CCDC85A: variants seen among roughly 807,000 people sequenced by gnomAD.
CCDC85A encodes coiled-coil domain containing 85A.
CCDC85A carries 38 observed loss-of-function variants against 50.2 expected under a neutral mutation model. That is an observed-to-expected ratio of 0.76 (90% CI 0.58 to 0.99). The LOEUF is 0.99. Ranked by LOEUF, CCDC85A falls within the 50% of genes least tolerant of loss-of-function variation. The pLI is 0.00. For synonymous variants in CCDC85A, 366 were observed against 301.4 expected (o/e 1.21, Z -2.22); for missense variants, 820 against 742.0 (o/e 1.11, Z -1.22).
Position 56,349,149 on chromosome 2 carries a change from A to G in CCDC85A, c.1317+6194A>G, listed in dbSNP as rs1674776037. ...CCTAATTATGTTGCACAACCTGTGT[A>G]GAATCTGGATGTTACTGATTGGAAA... On this transcript the variant is annotated intron_variant, in intron 3 of 5. Transcript: ENST00000407595. 2.0e-5 allele frequency among the ~76,000 whole-genome samples: 3 copies of G among 152,204 alleles called. No individual in the cohort carries two copies. In the South Asian group the frequency reaches 6.2e-4, roughly 31 times the overall value.
chr2:56,187,162 TA>T (rs1676083147), intron 1 of CCDC85A, among the ~76,000 whole-genome samples: 1 of 152,188 alleles, frequency 6.6e-6, no homozygotes, highest in Non-Finnish European at 1.5e-5. Flanking sequence ...TACATATATT[TA>T]TTTTGGCTTA....
intron 5 of CCDC85A, among the ~76,000 whole-genome samples, chr2:56,381,439 A>G (rs1676580871): frequency 6.6e-6 from 1 of 152,126 alleles, no homozygotes; most frequent in South Asian, 2.1e-4. Context: ...TCCAAAGAAT[A>G]GTATGTGGAC....
intron 2 of CCDC85A, among the ~76,000 whole-genome samples, chr2:56,231,453 G>A (rs1375634743): frequency 6.6e-6 from 1 of 152,146 alleles, no homozygotes; most frequent in Non-Finnish European, 1.5e-5. Flanking sequence ...CCAGGTAATT[G>A]CGTTTGGTGG....
chr2:56,354,966 A>G (rs1049298254), intron 3 of CCDC85A, among the ~76,000 whole-genome samples: 5 of 152,206 alleles, frequency 3.3e-5, no homozygotes, highest in Admixed American at 6.5e-5. Flanking sequence ...AATTGGGATC[A>G]CAGAAATGAT....
chr2:56,324,787 A>G (rs1309177273), intron 2 of CCDC85A, among the ~76,000 whole-genome samples: 4 of 152,008 alleles, frequency 2.6e-5, no homozygotes, highest in African/African-American at 4.8e-5. Context: ...TAGTATTTTT[A>G]TGTCCAAGAG....
chr2:56,211,753 C>G (rs1677187612), intron 2 of CCDC85A, among the ~76,000 whole-genome samples: 1 of 151,862 alleles, frequency 6.6e-6, no homozygotes, highest in South Asian at 2.1e-4. Context: ...TCTATGTGTC[C>G]CCTATCCCCT....
At chr2:56,349,027 G>A (rs1674768389) in intron 3 of CCDC85A, among the ~76,000 whole-genome samples, 1 of 151,142 alleles carries the variant, frequency 6.6e-6, no homozygotes, top group African/African-American at 2.5e-5. Context: ...GCAAGTGATG[G>A]TATTCCTCAA....
At chr2:56,225,861 C>T (rs1018023518) in intron 2 of CCDC85A, among the ~76,000 whole-genome samples, 1 of 152,166 alleles carries the variant, frequency 6.6e-6, no homozygotes, top group African/African-American at 2.4e-5. Context: ...CGTAAATCTC[C>T]TGCTTTTTGT....
intron 2 of CCDC85A, among the ~76,000 whole-genome samples, chr2:56,329,021 C>T (rs1673623555): frequency 1.3e-5 from 2 of 152,180 alleles, no homozygotes; most frequent in South Asian, 4.1e-4. Context: ...AGTACACAAT[C>T]CAAGCTTCTT....
chr2:56,311,985 C>T (rs1672714633), intron 2 of CCDC85A, among the ~76,000 whole-genome samples: 1 of 152,132 alleles, frequency 6.6e-6, no homozygotes, highest in South Asian at 2.1e-4. Context: ...TCCTTGGAAG[C>T]TCAGATAAAC....
intron 2 of CCDC85A, among the ~76,000 whole-genome samples, chr2:56,319,857 A>C (rs1335285189): frequency 6.6e-6 from 1 of 152,132 alleles, no homozygotes; most frequent in Non-Finnish European, 1.5e-5. Flanking sequence ...ACCACATCAC[A>C]CTTATTCCAA....
chr2:56,280,748 C>G (rs1408247459), intron 2 of CCDC85A, among the ~76,000 whole-genome samples: 4 of 152,114 alleles, frequency 2.6e-5, no homozygotes, highest in Non-Finnish European at 5.9e-5. Context: ...GCACATACAT[C>G]TAACAGAAAA....
At chr2:56,223,029 G>A (rs1668394087) in intron 2 of CCDC85A, among the ~76,000 whole-genome samples, 1 of 152,174 alleles carries the variant, frequency 6.6e-6, no homozygotes, top group East Asian at 1.9e-4. Flanking sequence ...TAAGTGCCAA[G>A]GTTTTCTATT....
intron 2 of CCDC85A, among the ~76,000 whole-genome samples, chr2:56,241,640 G>C (rs899938525): frequency 6.6e-6 from 1 of 152,088 alleles, no homozygotes; most frequent in African/African-American, 2.4e-5. Flanking sequence ...AATTCCATCT[G>C]TGTTCTTGCA....
intron 3 of CCDC85A, among the ~76,000 whole-genome samples, chr2:56,357,258 GA>G (rs1485506646): frequency 6.6e-6 from 1 of 152,076 alleles, no homozygotes; most frequent in East Asian, 1.9e-4. Flanking sequence ...AGAAGGTGGG[GA>G]CAGCTGCCCC....
chr2:56,343,081 C>T, intron 3 of CCDC85A, 126 bp downstream of exon 3: 1 of 640,722 alleles, frequency 1.6e-6, no homozygotes, highest in South Asian at 1.9e-5. Context: ...AATAGCCATT[C>T]ATCAATGTAG....
intron 2 of CCDC85A, among the ~76,000 whole-genome samples, chr2:56,238,977 C>T (rs536347543): frequency 6.6e-6 from 1 of 152,202 alleles, no homozygotes; most frequent in African/African-American, 2.4e-5. Flanking sequence ...TACTGATATG[C>T]TCACTACTTA....
At chr2:56,313,073 G>T (rs928973965) in intron 2 of CCDC85A, among the ~76,000 whole-genome samples, 2 of 152,030 alleles carry the variant, frequency 1.3e-5, no homozygotes, top group Non-Finnish European at 1.5e-5. Flanking sequence ...TGAACTTGTT[G>T]CCATTTGCAT....
chr2:56,266,578 G>GCC (rs58439265), intron 2 of CCDC85A, among the ~76,000 whole-genome samples: 5,329 of 60,022 alleles, frequency 0.089, 1,070 homozygotes, highest in South Asian at 0.15. Flanking sequence ...ACAATAACGC[G>GCC]CCCCCCCCCC....
Sources: allele counts gnomAD v4.1 joint callset (sites outside exome capture counted in the v4.1 genomes callset), GRCh38; gene constraint gnomAD v4.1.1; transcripts MANE v1.5; gene names NCBI Gene and HGNC (gene_info 2026-07-23, HGNC 2026-07-21).